POLH: variants seen among roughly 807,000 people sequenced by gnomAD.
The protein encoded by POLH is DNA polymerase eta, also known as DNA polymerase eta transcript.
A neutral mutation model predicts 73.6 loss-of-function variants in POLH; 53 were observed. The ratio of observed to expected loss-of-function variants is 0.72; its 90% CI spans 0.58 to 0.91. POLH has a LOEUF of 0.91. POLH is among the 40% of genes least tolerant of loss of function. POLH has a pLI of 0.00. For synonymous variants in POLH, 292 were observed against 308.5 expected (o/e 0.95, Z 0.56); for missense variants, 768 against 865.4 (o/e 0.89, Z 1.41).
intron 6 of POLH, among the ~76,000 whole-genome samples, 155 bp downstream of exon 6, chr6:43,601,246 G>T (rs140912708): frequency 1.1e-3 from 170 of 152,228 alleles, no homozygotes; most frequent in African/African-American, 3.7e-3. Context: ...TGAAACACAC[G>T]CTGAGACTTT....
intron 4 of POLH, among the ~76,000 whole-genome samples, chr6:43,589,916 G>C (rs1207714592): frequency 6.6e-6 from 1 of 151,736 alleles, no homozygotes; most frequent in African/African-American, 2.4e-5. Flanking sequence ...GATGTGTTGG[G>C]AAATGATAAA....
intron 3 of POLH, among the ~76,000 whole-genome samples, chr6:43,585,356 A>T (rs1308144673): frequency 1.3e-5 from 2 of 152,118 alleles, no homozygotes; most frequent in African/African-American, 4.8e-5. Flanking sequence ...GCTATGGGTA[A>T]TCAACTTGAC....
intron 3 of POLH, among the ~76,000 whole-genome samples, chr6:43,585,492 A>G (rs936504294): frequency 6.6e-6 from 1 of 152,192 alleles, no homozygotes; most frequent in Non-Finnish European, 1.5e-5. Flanking sequence ...AGTTAACATT[A>G]GCATACAAAA....
rs1768584984 is a variant in POLH, at chr6:43,619,662, A to G, written c.*5105A>G. 1.3e-5 allele frequency among the ~76,000 whole-genome samples: 2 copies of G among 152,186 alleles called. No homozygotes were observed. Among genetic ancestry groups the G allele is most frequent in the Non-Finnish European group, 2.9e-5 (2 of 68,044 alleles). On this transcript the variant is annotated 3_prime_UTR_variant, in exon 11 of 11. Coordinates refer to ENST00000372236, the MANE Select transcript of POLH (RefSeq NM_006502.3). ...CACTAGTTCCTGGAGATGTCTTATT[A>G]AGTACTGAAATGTGATTTTCCAAAA...
chr6:43,587,671 G>C (rs1172092446), intron 4 of POLH, among the ~76,000 whole-genome samples, 182 bp downstream of exon 4: 3 of 152,192 alleles, frequency 2.0e-5, no homozygotes, highest in African/African-American at 7.2e-5. Context: ...CTGTTGAGAA[G>C]CTGTGAAATC....
intron 6 of POLH, among the ~76,000 whole-genome samples, chr6:43,601,357 C>T (rs1218426878): frequency 1.3e-5 from 2 of 152,124 alleles, no homozygotes; most frequent in Admixed American, 1.3e-4. Context: ...CCTCCACCTC[C>T]CAGGTTCAAG....
chr6:43,584,027 C>T (rs1289293471), intron 3 of POLH, among the ~76,000 whole-genome samples: 1 of 152,070 alleles, frequency 6.6e-6, no homozygotes, highest in South Asian at 2.1e-4. Flanking sequence ...CTTGCAGTCC[C>T]GGCTACTCAG....
At chr6:43,585,637 C>CTT (rs1208848737) in intron 3 of POLH, among the ~76,000 whole-genome samples, 33 of 107,402 alleles carry the variant, frequency 3.1e-4, no homozygotes, top group South Asian at 1.1e-3. Flanking sequence ...TCTTTCTTTT[C>CTT]TTTTTTTTTT....
chr6:43,599,632 TTGG>T (rs1416811354), intron 5 of POLH, among the ~76,000 whole-genome samples: 2 of 151,278 alleles, frequency 1.3e-5, no homozygotes, highest in Non-Finnish European at 2.9e-5. Context: ...CTGAATTTTT[TTGG>T]TGTTTTTTTT....
At chr6:43,612,244 A>G (rs1187441246) in intron 10 of POLH, among the ~76,000 whole-genome samples, 1 of 152,192 alleles carries the variant, frequency 6.6e-6, no homozygotes, top group Non-Finnish European at 1.5e-5. Flanking sequence ...TATAACAAAT[A>G]CTACTCACCA....
rs1323902177 is a variant in POLH at position 43,618,686 on chromosome 6, A to C, written c.*4129A>C. 6.6e-6 allele frequency among the ~76,000 whole-genome samples: 1 copy of C among 152,026 alleles called. No homozygotes were observed. The highest frequency in any genetic ancestry group is 1.5e-5 in the Non-Finnish European group (1 of 68,000). On this transcript the variant is annotated 3_prime_UTR_variant, in exon 11 of 11. Transcript: ENST00000372236. ...TCTCTCATCGCCCCGGCTGGAATGC[A>C]ATGGCACGATCTCGGCTCACTGCAA...
chr6:43,583,152 A>C lies in POLH; in HGVS notation c.272+11A>C, dbSNP rs1361109269. On this transcript the variant is annotated intron_variant, in intron 3 of 10. Transcript: ENST00000372236. The stretch of plus-strand genomic sequence containing the variant: ...AGCTAACCTCACCAAGTAAGAAAAA[A>C]ACATTATTTAAGGAGACATAAAGGA... 4 of 1,613,366 alleles carry C rather than the reference A, an allele frequency of 2.5e-6. No individual in the cohort carries two copies. In the South Asian group the frequency reaches 4.4e-5, roughly 18 times the overall value.
intron 2 of POLH, among the ~76,000 whole-genome samples, chr6:43,582,743 C>T (rs1764422050): frequency 2.0e-5 from 3 of 152,140 alleles, no homozygotes; most frequent in Admixed American, 6.5e-5. Flanking sequence ...GGGCAGGGCT[C>T]ACTATATTGC....
chr6:43,608,721 G>T (rs938084048), intron 9 of POLH, among the ~76,000 whole-genome samples: 1 of 152,134 alleles, frequency 6.6e-6, no homozygotes, highest in Non-Finnish European at 1.5e-5. Flanking sequence ...ATCCAGTGGG[G>T]ATCCCTGAAA....
In POLH at chr6:43,614,545, A is replaced by G. The variant is rs532626709; in HGVS notation, c.2130A>G (p.Pro710=). The G allele has an allele frequency of 6.2e-7, 1 of 1,613,668 alleles. No individual in the cohort carries two copies. The highest frequency in any genetic ancestry group is 2.2e-5 in the East Asian group (1 of 44,892). Residue 710 remains proline (P), a synonymous_variant, in exon 11 of 11, where the codon CCA becomes CCG. Transcript: ENST00000372236. ...AAACATTGGAATCATTTTTTAAGCC[A>G]TTAACACATTAGTGCTGCCCTCAGG... ...GMQTLESFFK[P]LTH is the part of the protein sequence containing the mutation.
rs1766252047 is a variant in POLH at position 43,597,754 on chromosome 6, C to T, written c.549C>T (p.Leu183=). ...TCGATTCTCTTCAGATTGATAACCT[C>T]ACCTCTCCAGACCTGCAGCTCACCG... The part of the protein sequence containing the change: ...QWLDSLQIDN[L]TSPDLQLTVG... Residue 183 remains leucine (L), a synonymous_variant, in exon 5 of 11, where the codon CTC becomes CTT. Transcript: ENST00000372236. 1.9e-6 allele frequency: 3 copies of T among 1,613,998 alleles called. No individual in the cohort carries two copies. Among genetic ancestry groups the T allele is most frequent in the African/African-American group, 1.3e-5 (1 of 75,028 alleles).
intron 3 of POLH, among the ~76,000 whole-genome samples, chr6:43,584,493 T>C (rs1426541657): frequency 2.0e-5 from 3 of 152,212 alleles, no homozygotes; most frequent in Non-Finnish European, 4.4e-5. Flanking sequence ...ACTCAAACTA[T>C]GGTTTTCCTC....
chr6:43,585,701 A>G (rs1310248566), intron 3 of POLH, among the ~76,000 whole-genome samples: 1 of 143,940 alleles, frequency 6.9e-6, no homozygotes, highest in East Asian at 2.0e-4. Flanking sequence ...GCTAGGGTGC[A>G]ATGGTGCAAT....
intron 1 of POLH, among the ~76,000 whole-genome samples, chr6:43,581,612 GC>G (rs1021250293): frequency 1.5e-4 from 22 of 147,660 alleles, no homozygotes; most frequent in Non-Finnish European, 3.1e-4. Context: ...GGCGGCGCTC[GC>G]CGGCGCGGCG....
Sources: gnomAD v4.1 joint callset for allele counts (sites outside exome capture counted in the v4.1 genomes callset) on GRCh38, gnomAD v4.1.1 for gene constraint, MANE v1.5 for transcripts, NCBI Gene and HGNC (gene_info 2026-07-23, HGNC 2026-07-21) for gene names.